Variants in PRLR observed in about 807,000 individuals in gnomAD.
PRLR encodes prolactin receptor.
In PRLR, 13 loss-of-function variants were observed where a neutral mutation model predicts 40.2. The ratio of observed to expected loss-of-function variants is 0.32; its 90% CI spans 0.21 to 0.51. PRLR has a LOEUF of 0.51. PRLR is among the 20% of genes least tolerant of loss of function. The pLI, the probability that PRLR is intolerant of heterozygous loss-of-function variation, is 0.97. For missense variants in PRLR, 656 were observed against 747.3 expected (o/e 0.88, Z 1.42); for synonymous variants, 269 against 278.7 (o/e 0.97, Z 0.35).
chr5:35,181,744 G>C (rs1775302854), intron 1 of PRLR, among the ~76,000 whole-genome samples: 1 of 152,188 alleles, frequency 6.6e-6, no homozygotes, highest in African/African-American at 2.4e-5. Context: ...TCTTAGGAGA[G>C]AAATACCTGT....
At chr5:35,090,664 C>T (rs1335311585) in intron 2 of PRLR, among the ~76,000 whole-genome samples, 3 of 151,970 alleles carry the variant, frequency 2.0e-5, no homozygotes, top group African/African-American at 7.2e-5. Context: ...ACATTTGAAA[C>T]GTCTGAGTGT....
At chr5:35,145,564 G>C (rs1774160348) in intron 1 of PRLR, among the ~76,000 whole-genome samples, 1 of 152,098 alleles carries the variant, frequency 6.6e-6, no homozygotes, top group Non-Finnish European at 1.5e-5. Flanking sequence ...GATTTCCATG[G>C]CTTTCTCTAT....
At chr5:35,111,775 G>A (rs1273707584) in intron 2 of PRLR, among the ~76,000 whole-genome samples, 1 of 152,174 alleles carries the variant, frequency 6.6e-6, no homozygotes, top group Non-Finnish European at 1.5e-5. Flanking sequence ...GAAAGTAGAT[G>A]TTTTTGATCC....
intron 5 of PRLR, among the ~76,000 whole-genome samples, chr5:35,080,174 C>A (rs894060090): frequency 1.1e-4 from 17 of 151,870 alleles, no homozygotes; most frequent in African/African-American, 3.9e-4. Context: ...GCAACAAAAG[C>A]CAAAATTGAC....
chr5:35,074,526 T>TATATATATATATATATATATATATATATA (rs1769949138), intron 5 of PRLR, among the ~76,000 whole-genome samples: 1 of 147,722 alleles, frequency 6.8e-6, no homozygotes, highest in African/African-American at 2.6e-5. Flanking sequence ...TATATATATA[T>TATATATATATATATATATATATATATATA]GAAATATCCA....
intron 2 of PRLR, among the ~76,000 whole-genome samples, chr5:35,105,676 A>T (rs1772191625): frequency 6.6e-6 from 1 of 152,218 alleles, no homozygotes; most frequent in Non-Finnish European, 1.5e-5. Context: ...AGAAGTTTAG[A>T]GAAAAAAAGA....
chr5:35,173,940 A>T (rs1775070254), intron 1 of PRLR, among the ~76,000 whole-genome samples: 1 of 152,004 alleles, frequency 6.6e-6, no homozygotes, highest in African/African-American at 2.4e-5. Flanking sequence ...CCATTAACTC[A>T]TCATTTACAT....
At chr5:35,159,540 C>T (rs900489248) in intron 1 of PRLR, among the ~76,000 whole-genome samples, 7 of 152,026 alleles carry the variant, frequency 4.6e-5, no homozygotes, top group African/African-American at 1.7e-4. Flanking sequence ...AATGTTTGGC[C>T]GTTAAGCAAG....
intron 3 of PRLR, among the ~76,000 whole-genome samples, chr5:35,087,875 CTT>C (rs1185464937): frequency 1.3e-5 from 2 of 152,180 alleles, no homozygotes; most frequent in Non-Finnish European, 2.9e-5. Flanking sequence ...AGCTGATCCT[CTT>C]TTTTGTCTAG....
chr5:35,150,125 A>C (rs1237433600), intron 1 of PRLR, among the ~76,000 whole-genome samples: 1 of 152,036 alleles, frequency 6.6e-6, no homozygotes, highest in Non-Finnish European at 1.5e-5. Flanking sequence ...CTCAGGTGAT[A>C]CGCCCACCTT....
intron 1 of PRLR, among the ~76,000 whole-genome samples, chr5:35,167,887 G>A (rs184686264): frequency 1.3e-5 from 2 of 151,912 alleles, no homozygotes; most frequent in Admixed American, 1.3e-4. Flanking sequence ...TAGAAACAAA[G>A]AATAGGTGAG....
intron 1 of PRLR, among the ~76,000 whole-genome samples, chr5:35,208,286 T>A (rs1180130608): frequency 6.6e-6 from 1 of 152,088 alleles, no homozygotes; most frequent in East Asian, 1.9e-4. Flanking sequence ...CTCTCTAAAT[T>A]CATGTTGCCA....
intron 1 of PRLR, among the ~76,000 whole-genome samples, chr5:35,165,641 G>A (rs767009750): frequency 1.3e-5 from 2 of 152,170 alleles, no homozygotes; most frequent in Non-Finnish European, 1.5e-5. Context: ...CTAGTGATTC[G>A]GGCTTATTTA....
intron 2 of PRLR, among the ~76,000 whole-genome samples, chr5:35,110,462 C>G (rs2111640671): frequency 6.6e-6 from 1 of 152,252 alleles, no homozygotes; most frequent in Non-Finnish European, 1.5e-5. Context: ...TATTAAGCAT[C>G]TTTGTATTTG....
At chr5:35,156,797 A>G (rs1286730346) in intron 1 of PRLR, among the ~76,000 whole-genome samples, 2 of 152,112 alleles carry the variant, frequency 1.3e-5, no homozygotes. Context: ...AAACTTCTAG[A>G]CAACATTCTG....
intron 2 of PRLR, among the ~76,000 whole-genome samples, chr5:35,092,679 T>C (rs1771291058): frequency 6.6e-6 from 1 of 152,206 alleles, no homozygotes; most frequent in Non-Finnish European, 1.5e-5. Context: ...CTTTTTAAGA[T>C]GTTATAGCAG....
intron 2 of PRLR, among the ~76,000 whole-genome samples, chr5:35,108,085 A>C (rs1028162590): frequency 2.6e-5 from 4 of 152,298 alleles, no homozygotes; most frequent in African/African-American, 9.6e-5. Context: ...CAAATCAATA[A>C]ACGTAATCCA....
chr5:35,078,082 A>C (rs1411342097), intron 5 of PRLR, among the ~76,000 whole-genome samples: 3 of 152,224 alleles, frequency 2.0e-5, no homozygotes, highest in Non-Finnish European at 4.4e-5. Context: ...TATAGCACTA[A>C]ATGCCCACAA....
intron 1 of PRLR, among the ~76,000 whole-genome samples, chr5:35,221,972 G>C (rs2111676818): frequency 6.6e-6 from 1 of 152,272 alleles, no homozygotes; most frequent in South Asian, 2.1e-4. Flanking sequence ...CGTGGGCAGT[G>C]AACCCAGAAG....
Sources: allele counts gnomAD v4.1 joint callset (sites outside exome capture counted in the v4.1 genomes callset), GRCh38; gene constraint gnomAD v4.1.1; transcripts MANE v1.5; gene names NCBI Gene and HGNC (gene_info 2026-07-23, HGNC 2026-07-21).